Variants in SLC2A3 observed in about 807,000 individuals in gnomAD.
The protein encoded by SLC2A3 is solute carrier family 2, facilitated glucose transporter member 3.
In SLC2A3, 21 loss-of-function variants were observed where a neutral mutation model predicts 46.4. The ratio of observed to expected loss-of-function variants is 0.45; its 90% confidence interval spans 0.32 to 0.65. SLC2A3 has a LOEUF of 0.65. SLC2A3 is among the 30% of genes least tolerant of loss of function. The pLI is 0.04. For synonymous variants in SLC2A3, 213 were observed against 239.4 expected (o/e 0.89, Z 1.02); for missense variants, 499 against 623.3 (o/e 0.80, Z 2.12).
intron 7 of SLC2A3, 164 bp downstream of exon 7, chr12:7,925,680 G>A: frequency 3.3e-6 from 2 of 599,098 alleles, no homozygotes; most frequent in Non-Finnish European, 5.9e-6. Flanking sequence ...ATATTTGCTT[G>A]AAGAGTGAAG....
chr12:7,931,838 T>C (rs934941833), intron 3 of SLC2A3, among the ~76,000 whole-genome samples: 1 of 151,778 alleles, frequency 6.6e-6, no homozygotes, highest in Non-Finnish European at 1.5e-5. Context: ...TACCGATTTT[T>C]AAATGTGAAT....
At chr12:7,929,596 C>G in intron 6 of SLC2A3, 88 bp downstream of exon 6, 1 of 1,533,700 alleles carries the variant, frequency 6.5e-7, no homozygotes. Context: ...TCCTGAGTAG[C>G]TGGGACTACA....
chr12:7,921,622 C>A lies in SLC2A3; in HGVS notation c.1282G>T (p.Gly428Ter). The change falls in exon 10 of 10, where the codon GGA becomes TGA. Residue 428 changes from glycine to a stop codon, truncating the protein, a stop_gained. Coordinates refer to ENST00000075120, the MANE Select transcript of SLC2A3 (RefSeq NM_006931.3). LOFTEE classifies it high-confidence loss of function. ...GTGAAGATAATAAAAACGTAGGCTC[C>A]TAAATAGTGCTAGAGAAAGGACAGA... is the stretch of plus-strand genomic sequence containing the variant. ...LLFPSAAHYLGAYVFIIFTGF... is the reference protein window; with the variant it reads ...LLFPSAAHYL 6.2e-7 allele frequency: 1 copy of A among 1,613,428 alleles called. No homozygotes were observed. Among genetic ancestry groups the A allele is most frequent in the Non-Finnish European group, 8.5e-7 (1 of 1,179,658 alleles).
rs1946155391 is a variant in SLC2A3 at position 7,931,450 on chromosome 12, A to G, written c.305T>C (p.Val102Ala). ...NSMLIVNLLAVTGGCFMGLCK... is the reference protein window; with the variant it reads ...NSMLIVNLLAATGGCFMGLCK... ...CAGTCCCATAAAGCAGCCACCAGTG[A>G]CAGCCAACAGGTTGACAATCAGCAT... is the stretch of plus-strand genomic sequence containing the variant. Residue 102 changes from valine (V) to alanine (A), a missense_variant, in exon 4 of 10, where the codon GTC becomes GCC. Val to Ala is a moderately conservative substitution (Grantham distance 64). Transcript: ENST00000075120. 10 of 1,614,208 alleles carry G rather than the reference A, an allele frequency of 6.2e-6. No individual in the cohort carries two copies. The highest frequency in any genetic ancestry group is 1.3e-5 in the African/African-American group (1 of 75,050).
At chr12:7,931,730 T>G (rs1946158058) in intron 3 of SLC2A3, among the ~76,000 whole-genome samples, 1 of 151,950 alleles carries the variant, frequency 6.6e-6, no homozygotes, top group South Asian at 2.1e-4. Flanking sequence ...GAGCTATGAT[T>G]GGGCCATTAC....
rs1946034797 is a variant in SLC2A3 at position 7,921,348 on chromosome 12, G to T, written c.*65C>A. ...AGCGTCCTGGGTTCATCCTGATGAG[G>T]TCTCTCCCTTGTTGAGGGAGAGGTG... On this transcript the variant is annotated 3_prime_UTR_variant, in exon 10 of 10. Transcript: ENST00000075120. 3.7e-6 allele frequency: 6 copies of T among 1,612,120 alleles called. No individual in the cohort carries two copies. In the Admixed American group the frequency reaches 6.7e-5, roughly 18 times the overall value.
Position 7,921,650 on chromosome 12 carries a change from AAAGG to A in SLC2A3, c.1273-23_1273-20del. Reference sequence around the variant, plus strand: ...AATAGTGCTAGAGAAAGGACAGAAAAAAGGAAGGTTGATATAAAAATCTGGTCAT... The same window carrying A: ...AATAGTGCTAGAGAAAGGACAGAAAAAAGGTTGATATAAAAATCTGGTCAT... On this transcript the variant is annotated intron_variant, in intron 9 of 9. Coordinates refer to ENST00000075120, the MANE Select transcript of SLC2A3 (RefSeq NM_006931.3). 6.2e-7 allele frequency: 1 copy of A among 1,604,548 alleles called. No homozygotes were observed. The highest frequency in any genetic ancestry group is 8.5e-7 in the Non-Finnish European group (1 of 1,175,948).
intron 9 of SLC2A3, among the ~76,000 whole-genome samples, chr12:7,922,387 T>C (rs1946046442): frequency 6.6e-6 from 1 of 152,032 alleles, no homozygotes. Context: ...TTATGAATTA[T>C]TTATTTCTGC....
intron 6 of SLC2A3, among the ~76,000 whole-genome samples, chr12:7,926,690 C>T (rs1366208871): frequency 2.6e-5 from 4 of 152,064 alleles, no homozygotes; most frequent in Admixed American, 2.6e-4. Context: ...TTGGCTCTTC[C>T]CCAAACTCTC....
chr12:7,925,570 T>C, intron 7 of SLC2A3: 1 of 308,372 alleles, frequency 3.2e-6, no homozygotes, highest in Non-Finnish European at 6.1e-6. Context: ...AACAGTGGAG[T>C]AACAGAGCTT....
At chr12:7,927,957 G>C (rs868436983) in intron 6 of SLC2A3, among the ~76,000 whole-genome samples, 2 of 151,912 alleles carry the variant, frequency 1.3e-5, no homozygotes, top group African/African-American at 4.8e-5. Context: ...AGGTATGGTG[G>C]TGGGCACCTG....
At chr12:7,935,919 G>A (rs1337388820) in intron 1 of SLC2A3, 101 bp downstream of exon 1, 1 of 1,002,612 alleles carries the variant, frequency 1.0e-6, no homozygotes, top group Non-Finnish European at 1.6e-6. Context: ...AGATAGCTTG[G>A]TGACTTAGGA....
rs1454984996 is a variant in SLC2A3, at chr12:7,919,461, G to A, written c.*1952C>T. The A allele has an allele frequency of 6.6e-6, 1 of 151,832 alleles. No homozygotes were observed. The highest frequency in any genetic ancestry group is 2.4e-5 in the African/African-American group (1 of 41,326). The allele number at this position is 151,832 out of a possible 1,614,324, so 9.4% of individuals were successfully genotyped here. On this transcript the variant is annotated 3_prime_UTR_variant, in exon 10 of 10. Transcript: ENST00000075120. Reference sequence around the variant, plus strand: ...TTTTGAGACGGAGTCTCGCCCTGTGGCCCAGGCTAGAGTGCAATGATGCGA... The same window carrying A: ...TTTTGAGACGGAGTCTCGCCCTGTGACCCAGGCTAGAGTGCAATGATGCGA...
rs754816468 is a variant in SLC2A3 at position 7,921,499 on chromosome 12, C to T, written c.1405G>A (p.Ala469Thr). Residue 469 changes from alanine (A) to threonine (T), a missense_variant, in exon 10 of 10, where the codon GCA becomes ACA. Ala to Thr is a moderately conservative substitution (Grantham distance 58). Transcript: ENST00000075120. ...EDITRAFEGQ[A>T]HGADRSGKDG... ...TTTCCAGATCTATCTGCACCGTGTG[C>T]CTGCCCTTCAAAGGCCCGTGTGATA... 1 of 1,613,948 alleles carries T rather than the reference C, an allele frequency of 6.2e-7. No individual in the cohort carries two copies. Among genetic ancestry groups the T allele is most frequent in the Non-Finnish European group, 8.5e-7 (1 of 1,179,856 alleles).
chr12:7,921,256 A>C lies in SLC2A3; in HGVS notation c.*157T>G, dbSNP rs1221424627. On this transcript the variant is annotated 3_prime_UTR_variant, in exon 10 of 10. Coordinates refer to ENST00000075120, the MANE Select transcript of SLC2A3 (RefSeq NM_006931.3). ...TTTAAAAAGCCATTGAAGATCCAAC[A>C]AACCGCAGCCTTGGGGTGCTCATGG... The C allele has an allele frequency of 6.9e-7, 1 of 1,457,160 alleles. No individual in the cohort carries two copies. The highest frequency in any genetic ancestry group is 9.3e-7 in the Non-Finnish European group (1 of 1,075,230). The allele number at this position is 1,457,160 out of a possible 1,614,324, so 90.3% of individuals were successfully genotyped here. A position where few individuals can be genotyped will look rare whatever the true frequency, so the allele number is the denominator to read the frequency against.
chr12:7,920,067 T>TA lies in SLC2A3; in HGVS notation c.*1345dup, dbSNP rs1335777343. ...GACCACAGTGACATGGTAACAGACA[T>TA]ACGCAAGCGTGCCGTGAGCCTAAAG... On this transcript the variant is annotated 3_prime_UTR_variant, in exon 10 of 10. Coordinates refer to ENST00000075120, the MANE Select transcript of SLC2A3 (RefSeq NM_006931.3). 2.0e-5 allele frequency: 3 copies of TA among 152,310 alleles called. No individual in the cohort carries two copies. Among genetic ancestry groups the TA allele is most frequent in the Non-Finnish European group, 2.9e-5 (2 of 68,026 alleles). The allele number at this position is 152,310 out of a possible 1,614,324, so 9.4% of individuals were successfully genotyped here.
Position 7,933,079 on chromosome 12 carries a change from G to C in SLC2A3, c.177C>G (p.Leu59=), listed in dbSNP as rs769302724. The part of the protein sequence containing the change: ...KGNAPPSEVL[L]TSLWSLSVAI... Reference sequence around the variant, plus strand: ...CCACAGACAAGGACCAGAGAGACGTGAGCAGCACCTCAGAGGGTGGGGCAT... The same window carrying C: ...CCACAGACAAGGACCAGAGAGACGTCAGCAGCACCTCAGAGGGTGGGGCAT... The change falls in exon 3 of 10, where the codon CTC becomes CTG. Residue 59 remains leucine (L), a synonymous_variant. Coordinates refer to ENST00000075120, the MANE Select transcript of SLC2A3 (RefSeq NM_006931.3). 4 of 1,614,002 alleles carry C rather than the reference G, an allele frequency of 2.5e-6. 1 individual carries two copies. Among genetic ancestry groups the C allele is most frequent in the Non-Finnish European group, 3.4e-6 (4 of 1,180,024 alleles).
At position 7,933,102 on chromosome 12, in the gene SLC2A3, C is replaced by A; in HGVS notation, c.154G>T (p.Ala52Ser). Reference protein sequence around the residue: ...INKTLTDKGNAPPSEVLLTSL... With the variant: ...INKTLTDKGNSPPSEVLLTSL... ...GTGAGCAGCACCTCAGAGGGTGGGG[C>A]ATTTCCCTTGTCCGTCAAAGTTTTA... is the stretch of plus-strand genomic sequence containing the variant. The change falls in exon 3 of 10, where the codon GCC becomes TCC. Residue 52 changes from alanine (A) to serine (S), a missense_variant. Coordinates refer to ENST00000075120, the MANE Select transcript of SLC2A3 (RefSeq NM_006931.3). 6.2e-7 allele frequency: 1 copy of A among 1,614,080 alleles called. No individual in the cohort carries two copies. Among genetic ancestry groups the A allele is most frequent in the South Asian group, 1.1e-5 (1 of 91,074 alleles).
intron 2 of SLC2A3, chr12:7,933,403 G>C (rs1946179019): frequency 5.4e-6 from 3 of 554,762 alleles, no homozygotes; most frequent in Non-Finnish European, 9.5e-6. Flanking sequence ...CAGCTTCTTT[G>C]TAACTAACCC....
Sources: gnomAD v4.1 joint callset for allele counts (sites outside exome capture counted in the v4.1 genomes callset) on GRCh38, gnomAD v4.1.1 for gene constraint, MANE v1.5 for transcripts, NCBI Gene and HGNC (gene_info 2026-07-23, HGNC 2026-07-21) for gene names.